ATRNL1: variants seen among roughly 807,000 people sequenced by gnomAD.
ATRNL1 encodes attractin like 1.
In ATRNL1, 95 loss-of-function variants were observed where a neutral mutation model predicts 182.7. That is an observed-to-expected ratio of 0.52 (90% CI 0.44 to 0.62). The LOEUF is 0.62. Among genes scored for constraint, ATRNL1 ranks in the 20% least tolerant of loss-of-function variants. The pLI is 0.00. For synonymous variants in ATRNL1, 576 were observed against 568.3 expected (o/e 1.01, Z -0.19); for missense variants, 1,471 against 1,679.5 (o/e 0.88, Z 2.17).
chr10:115,157,449 A>G (rs1313541117), intron 5 of ATRNL1, among the ~76,000 whole-genome samples: 1 of 152,162 alleles, frequency 6.6e-6, no homozygotes, highest in African/African-American at 2.4e-5. Context: ...ATATTTATAA[A>G]TCTTGTCATT....
chr10:115,934,673 C>A (rs1953502868), intron 28 of ATRNL1, among the ~76,000 whole-genome samples: 1 of 152,116 alleles, frequency 6.6e-6, no homozygotes, highest in South Asian at 2.1e-4. Context: ...ATAATAGTAG[C>A]CTCACCCCCT....
chr10:115,944,285 TA>T (rs10588486), intron 28 of ATRNL1, among the ~76,000 whole-genome samples: 32,510 of 131,538 alleles, frequency 0.25, 6,174 homozygotes, highest in African/African-American at 0.5. Context: ...GTTTTGTTCC[TA>T]AAAAAAAAAA....
intron 24 of ATRNL1, among the ~76,000 whole-genome samples, chr10:115,489,194 A>G (rs1849174443): frequency 6.6e-6 from 1 of 152,172 alleles, no homozygotes; most frequent in Non-Finnish European, 1.5e-5. Flanking sequence ...AGAAGAATGT[A>G]TATTCTGTTG....
At chr10:115,146,814 T>C (rs994527328) in intron 5 of ATRNL1, among the ~76,000 whole-genome samples, 42 of 151,860 alleles carry the variant, frequency 2.8e-4, no homozygotes, top group African/African-American at 9.2e-4. Context: ...TTTTTTTTTT[T>C]TGTGGCTGAC....
intron 26 of ATRNL1, among the ~76,000 whole-genome samples, chr10:115,594,511 T>G (rs1271212955): frequency 6.8e-6 from 1 of 146,396 alleles, no homozygotes; most frequent in African/African-American, 2.4e-5. Context: ...TTGTTTTTTG[T>G]TTTGTTTTGT....
intron 26 of ATRNL1, among the ~76,000 whole-genome samples, chr10:115,594,934 A>C (rs1056262885): frequency 2.6e-5 from 4 of 152,234 alleles, no homozygotes; most frequent in African/African-American, 9.6e-5. Context: ...GTCTCTAGTC[A>C]TAAGTTTTTC....
rs565702119 is a variant in ATRNL1 at position 115,895,626 on chromosome 10, C to G, written c.4018+47635C>G. Among the ~76,000 whole-genome samples, 141 of 152,288 alleles carry G rather than the reference C, an allele frequency of 9.3e-4. 1 individual carries two copies. Among genetic ancestry groups the G allele is most frequent in the African/African-American group, 3.3e-3 (136 of 41,556 alleles). ...CACTTACTGAACATCCACTGAATAC[C>G]GGACACTGCTGAATTCCAGGGATAT... On this transcript the variant is annotated intron_variant, in intron 28 of 28. Transcript: ENST00000355044.
At chr10:115,267,828 C>T (rs1377816074) in intron 12 of ATRNL1, among the ~76,000 whole-genome samples, 1 of 151,986 alleles carries the variant, frequency 6.6e-6, no homozygotes, top group Non-Finnish European at 1.5e-5. Flanking sequence ...GGCTGGAGTG[C>T]AGTGGTGTGA....
intron 26 of ATRNL1, among the ~76,000 whole-genome samples, chr10:115,560,192 A>G (rs570776856): frequency 6.6e-6 from 1 of 152,348 alleles, no homozygotes; most frequent in East Asian, 1.9e-4. Context: ...TAGAAAACAT[A>G]TGCTATGTGT....
intron 26 of ATRNL1, among the ~76,000 whole-genome samples, chr10:115,592,519 G>A (rs11197324): frequency 0.5 from 75,335 of 151,882 alleles, 19,592 homozygotes; most frequent in African/African-American, 0.6. Context: ...GCAGACCCAC[G>A]CAGCTCTACC....
At chr10:115,191,727 T>C (rs964577655) in intron 8 of ATRNL1, among the ~76,000 whole-genome samples, 2 of 152,032 alleles carry the variant, frequency 1.3e-5, no homozygotes, top group Non-Finnish European at 2.9e-5. Context: ...CTGCCACCCT[T>C]TGTAGAAGGT....
intron 21 of ATRNL1, among the ~76,000 whole-genome samples, chr10:115,429,154 T>G (rs1554963469): frequency 6.6e-6 from 1 of 152,128 alleles, no homozygotes; most frequent in African/African-American, 2.4e-5. Context: ...TGTGTAAAAT[T>G]TATCCTTTTT....
intron 19 of ATRNL1, among the ~76,000 whole-genome samples, chr10:115,350,260 C>T (rs543807493): frequency 7.7e-5 from 11 of 142,506 alleles, no homozygotes; most frequent in Admixed American, 3.7e-4. Flanking sequence ...CACTTGAACC[C>T]GGGAGGCGGA....
intron 21 of ATRNL1, among the ~76,000 whole-genome samples, chr10:115,449,124 C>T (rs1847158931): frequency 6.6e-6 from 1 of 152,198 alleles, no homozygotes; most frequent in Non-Finnish European, 1.5e-5. Context: ...AAATTTCTAT[C>T]ACCATATTTC....
At chr10:115,371,418 G>A (rs1225629040) in intron 19 of ATRNL1, among the ~76,000 whole-genome samples, 2 of 152,218 alleles carry the variant, frequency 1.3e-5, no homozygotes, top group Non-Finnish European at 2.9e-5. Context: ...ACCCTGTAAA[G>A]CCACAGGAGC....
rs782349801 is a variant in ATRNL1, at chr10:115,215,898, C to T, written c.1532+18C>T. 5.5e-6 allele frequency: 8 copies of T among 1,459,858 alleles called. No homozygotes were observed. Among genetic ancestry groups the T allele is most frequent in the East Asian group, 2.6e-5 (1 of 38,042 alleles). 90.4% of individuals were successfully genotyped at this position (1,459,858 alleles called of 1,614,324 possible). On this transcript the variant is annotated intron_variant, in intron 9 of 28. Transcript: ENST00000355044. ...AAGACTTGGTGAGTACACAAAATAA[C>T]ACATTTTCTATGTTGCCATTATTAT... is the stretch of plus-strand genomic sequence containing the variant.
chr10:115,362,755 G>T (rs1249113264), intron 19 of ATRNL1, among the ~76,000 whole-genome samples: 1 of 151,966 alleles, frequency 6.6e-6, no homozygotes, highest in Non-Finnish European at 1.5e-5. Context: ...CCACCAATGA[G>T]TGAGAATATG....
At chr10:115,788,722 A>T (rs1467445309) in intron 27 of ATRNL1, among the ~76,000 whole-genome samples, 1 of 152,212 alleles carries the variant, frequency 6.6e-6, no homozygotes, top group Non-Finnish European at 1.5e-5. Context: ...GTGACAGGAA[A>T]CTTAATCCAT....
chr10:115,807,993 T>C (rs1593243130), intron 27 of ATRNL1, among the ~76,000 whole-genome samples: 1 of 152,298 alleles, frequency 6.6e-6, no homozygotes, highest in East Asian at 1.9e-4. Flanking sequence ...GTTCTTTTTG[T>C]GTGTATGTGA....
Sources: allele counts gnomAD v4.1 joint callset (sites outside exome capture counted in the v4.1 genomes callset), GRCh38; gene constraint gnomAD v4.1.1; transcripts MANE v1.5; gene names NCBI Gene and HGNC (gene_info 2026-07-23, HGNC 2026-07-21).